Variants in TOX observed in about 807,000 individuals in gnomAD.
TOX encodes the protein thymocyte selection associated high mobility group box.
TOX carries 11 observed loss-of-function variants against 53.7 expected under a neutral mutation model. The observed-to-expected ratio is 0.20, with a 90% CI of 0.13 to 0.34. TOX has a LOEUF of 0.34. Ranked by LOEUF, TOX falls within the 10% of genes least tolerant of loss-of-function variation. The pLI, the probability that TOX is intolerant of heterozygous loss-of-function variation, is 1.00. For missense variants in TOX, 570 were observed against 664.6 expected (o/e 0.86, Z 1.56); for synonymous variants, 225 against 245.3 (o/e 0.92, Z 0.77).
Position 58,808,283 on chromosome 8 carries a change from C to A in TOX, c.1393-14G>T. 1 of 1,593,666 alleles carries A rather than the reference C, an allele frequency of 6.3e-7. No homozygotes were observed. Among genetic ancestry groups the A allele is most frequent in the Non-Finnish European group, 8.5e-7 (1 of 1,172,296 alleles). On this transcript the variant is annotated splice_polypyrimidine_tract_variant and intron_variant, in intron 7 of 8. Transcript: ENST00000361421. ...AAGAGTAAATCCCTGAAAGGGAAAG[C>A]AAGTCCGCAAATAAGGATCAAAATG... is the stretch of plus-strand genomic sequence containing the variant.
intron 3 of TOX, among the ~76,000 whole-genome samples, chr8:58,868,852 A>G (rs934062765): frequency 6.9e-6 from 1 of 145,082 alleles, no homozygotes; most frequent in Non-Finnish European, 1.5e-5. Context: ...AATCAATAAC[A>G]GGAAAAGAAC....
At chr8:59,064,979 G>A (rs935432753) in intron 1 of TOX, among the ~76,000 whole-genome samples, 2 of 152,068 alleles carry the variant, frequency 1.3e-5, no homozygotes, top group Non-Finnish European at 2.9e-5. Flanking sequence ...ACAAAAAAGC[G>A]CCCTGAGGCT....
intron 1 of TOX, among the ~76,000 whole-genome samples, chr8:59,113,145 A>G (rs1381703251): frequency 1.3e-5 from 2 of 152,210 alleles, no homozygotes; most frequent in Admixed American, 6.5e-5. Flanking sequence ...ACTTACCTCA[A>G]GTGTAACCCA....
intron 1 of TOX, among the ~76,000 whole-genome samples, chr8:59,012,008 T>C (rs1813914819): frequency 6.6e-6 from 1 of 152,150 alleles, no homozygotes; most frequent in Non-Finnish European, 1.5e-5. Flanking sequence ...CCTGACCTTT[T>C]TATGTTCAAA....
chr8:59,082,437 A>G (rs59477357), intron 1 of TOX, among the ~76,000 whole-genome samples: 2,227 of 152,378 alleles, frequency 0.015, 59 homozygotes, highest in African/African-American at 0.05. Context: ...GTTTGCTTGC[A>G]AACAGTATGA....
At chr8:58,870,611 C>T (rs1044509880) in intron 3 of TOX, among the ~76,000 whole-genome samples, 1 of 152,064 alleles carries the variant, frequency 6.6e-6, no homozygotes, top group Non-Finnish European at 1.5e-5. Flanking sequence ...AAGGAACACA[C>T]ACTGATAGAC....
At chr8:58,846,419 T>G (rs1222098956) in intron 4 of TOX, among the ~76,000 whole-genome samples, 1 of 152,130 alleles carries the variant, frequency 6.6e-6, no homozygotes, top group Non-Finnish European at 1.5e-5. Flanking sequence ...TAAAGTAACC[T>G]GACATTTGGT....
chr8:58,994,610 A>G (rs1813525140), intron 1 of TOX, among the ~76,000 whole-genome samples: 1 of 152,182 alleles, frequency 6.6e-6, no homozygotes, highest in Admixed American at 6.5e-5. Context: ...TGTTATAAAG[A>G]TAACAGGATA....
intron 5 of TOX, among the ~76,000 whole-genome samples, chr8:58,837,719 G>T (rs1810570465): frequency 6.6e-6 from 1 of 152,180 alleles, no homozygotes; most frequent in African/African-American, 2.4e-5. Context: ...ATGGTAAATA[G>T]TAAGTGCTGA....
chr8:59,084,392 T>C (rs1162869720), intron 1 of TOX, among the ~76,000 whole-genome samples: 1 of 152,110 alleles, frequency 6.6e-6, no homozygotes, highest in Admixed American at 6.5e-5. Context: ...CAAAAGTCTA[T>C]ATTAGTCAGT....
intron 4 of TOX, among the ~76,000 whole-genome samples, chr8:58,840,239 T>C (rs1810621007): frequency 6.6e-6 from 1 of 152,136 alleles, no homozygotes; most frequent in Non-Finnish European, 1.5e-5. Context: ...CATTCTGAAA[T>C]TGTCTACTGA....
intron 1 of TOX, among the ~76,000 whole-genome samples, chr8:58,965,963 G>C (rs1812892175): frequency 9.5e-6 from 1 of 105,706 alleles, no homozygotes; most frequent in African/African-American, 3.7e-5. Flanking sequence ...TGAAGACTTT[G>C]TTGTTTCCTA....
At chr8:59,099,831 T>C (rs1563446405) in intron 1 of TOX, among the ~76,000 whole-genome samples, 1 of 152,208 alleles carries the variant, frequency 6.6e-6, no homozygotes, top group African/African-American at 2.4e-5. Context: ...AGAGACTGAC[T>C]GTACCATATG....
chr8:59,049,105 A>G (rs879781821), intron 1 of TOX, among the ~76,000 whole-genome samples: 11,590 of 152,084 alleles, frequency 0.076, 1,357 homozygotes, highest in East Asian at 0.5. Context: ...CGGTAATGAA[A>G]ATGAAAAAAA....
chr8:58,973,760 G>A (rs188046370), intron 1 of TOX, among the ~76,000 whole-genome samples: 104 of 151,830 alleles, frequency 6.8e-4, no homozygotes, highest in African/African-American at 1.9e-3. Context: ...TAATTATCAC[G>A]AGGGATACAC....
intron 1 of TOX, among the ~76,000 whole-genome samples, chr8:59,063,081 C>CA (rs1308586216): frequency 2.0e-5 from 3 of 152,036 alleles, no homozygotes; most frequent in Admixed American, 6.5e-5. Context: ...TTTTGGCCAT[C>CA]AAATGCACAT....
intron 5 of TOX, among the ~76,000 whole-genome samples, chr8:58,828,971 T>G (rs985181886): frequency 6.6e-6 from 1 of 152,314 alleles, no homozygotes; most frequent in East Asian, 1.9e-4. Context: ...ATTAATATGC[T>G]ACTCCAAGTG....
chr8:59,065,707 G>C (rs751618795), intron 1 of TOX, among the ~76,000 whole-genome samples: 1 of 152,074 alleles, frequency 6.6e-6, no homozygotes, highest in Non-Finnish European at 1.5e-5. Context: ...TTACTTCATA[G>C]ATGACAGAAG....
intron 1 of TOX, among the ~76,000 whole-genome samples, chr8:58,987,590 T>C (rs941488084): frequency 6.6e-6 from 1 of 152,124 alleles, no homozygotes; most frequent in Non-Finnish European, 1.5e-5. Flanking sequence ...TCTTTGAAAA[T>C]CTGGGGAGGA....
Sources: gnomAD v4.1 joint callset for allele counts (sites outside exome capture counted in the v4.1 genomes callset) on GRCh38, gnomAD v4.1.1 for gene constraint, MANE v1.5 for transcripts, NCBI Gene and HGNC (gene_info 2026-07-23, HGNC 2026-07-21) for gene names.